Variants in EFCAB13 observed in about 807,000 individuals in gnomAD.
EFCAB13 encodes EF-hand calcium binding domain 13.
A neutral mutation model predicts 110.2 loss-of-function variants in EFCAB13; 91 were observed. That is an observed-to-expected ratio of 0.83 (90% CI 0.70 to 0.98). The LOEUF (loss-of-function observed/expected upper bound fraction) is 0.98. Among genes scored for constraint, EFCAB13 ranks in the 50% least tolerant of loss-of-function variants. EFCAB13 has a pLI of 0.00. For missense variants in EFCAB13, 968 were observed against 1,119.4 expected (o/e 0.86, Z 1.93); for synonymous variants, 323 against 369.9 (o/e 0.87, Z 1.45).
intron 17 of EFCAB13, among the ~76,000 whole-genome samples, chr17:47,398,000 G>A (rs369121363): frequency 0.023 from 3,275 of 139,940 alleles, 125 homozygotes; most frequent in Admixed American, 0.056. Context: ...CAGCCGCCCC[G>A]TCCGGGAGGG....
At chr17:47,410,872 T>A (rs1377201092) in intron 21 of EFCAB13, among the ~76,000 whole-genome samples, 3 of 152,238 alleles carry the variant, frequency 2.0e-5, no homozygotes, top group Non-Finnish European at 4.4e-5. Context: ...TAGGTCAGAA[T>A]TTTTTGTTTC....
intron 2 of EFCAB13, among the ~76,000 whole-genome samples, chr17:47,325,862 A>AT (rs34654710): frequency 0.25 from 33,778 of 135,446 alleles, 5,282 homozygotes; most frequent in Admixed American, 0.36. Context: ...CTATTTTATT[A>AT]TTTCACTCCC....
In EFCAB13 at chr17:47,384,477, A is replaced by G. The variant is rs1223822087; in HGVS notation, c.1582+5224A>G. On this transcript the variant is annotated intron_variant, in intron 14 of 24. Coordinates refer to ENST00000331493, the MANE Select transcript of EFCAB13 (RefSeq NM_152347.5). ...TTAAGAAAGTTTTTCTTATATTAAGAAAGTTTTTCCCTTCTTAATATTTAG... is the reference window on the plus strand; with the variant it reads ...TTAAGAAAGTTTTTCTTATATTAAGGAAGTTTTTCCCTTCTTAATATTTAG... Among the ~76,000 whole-genome samples, 4 of 151,234 alleles carry G rather than the reference A, an allele frequency of 2.6e-5. No individual in the cohort carries two copies. The East Asian group carries it at 5.8e-4, about 22-fold the overall frequency.
intron 11 of EFCAB13, among the ~76,000 whole-genome samples, chr17:47,370,715 GT>G (rs370452906): frequency 6.8e-6 from 1 of 147,628 alleles, no homozygotes; most frequent in Non-Finnish European, 1.5e-5. Context: ...TCTTTGCCCA[GT>G]TTTTTGTTGT....
chr17:47,393,891 A>G, intron 15 of EFCAB13, 134 bp from the exon 16 acceptor site: 1 of 421,440 alleles, frequency 2.4e-6, no homozygotes, highest in East Asian at 4.1e-5. Context: ...TTATACCCAT[A>G]TATTTTTATT....
chr17:47,380,883 T>C (rs1189160277), intron 14 of EFCAB13, among the ~76,000 whole-genome samples: 9 of 148,190 alleles, frequency 6.1e-5, no homozygotes, highest in East Asian at 2.0e-4. Context: ...GCTTCTTCTT[T>C]TTTTTTTTTT....
chr17:47,388,752 A>C (rs1175912298), intron 14 of EFCAB13, among the ~76,000 whole-genome samples: 4 of 152,052 alleles, frequency 2.6e-5, no homozygotes, highest in African/African-American at 9.7e-5. Context: ...ATACACTTTT[A>C]TTTCTCTTGG....
At chr17:47,349,447 C>T (rs1201844170) in intron 9 of EFCAB13, among the ~76,000 whole-genome samples, 4 of 152,168 alleles carry the variant, frequency 2.6e-5, no homozygotes, top group East Asian at 1.9e-4. Context: ...ATCTACAGTA[C>T]TAGTCCCATA....
chr17:47,409,596 A>G (rs1168007502), intron 20 of EFCAB13, 51 bp from the exon 21 acceptor site: 1 of 1,387,338 alleles, frequency 7.2e-7, no homozygotes, highest in East Asian at 2.3e-5. Flanking sequence ...CAAACAGGGT[A>G]AGATCAGGAT....
intron 9 of EFCAB13, among the ~76,000 whole-genome samples, chr17:47,358,086 A>G (rs1416504712): frequency 1.3e-5 from 2 of 152,210 alleles, no homozygotes; most frequent in African/African-American, 4.8e-5. Flanking sequence ...GTAATAAAAT[A>G]TCCAAGCAAT....
At chr17:47,391,369 C>T (rs1375677856) in intron 14 of EFCAB13, 68 bp from the exon 15 acceptor site, 9 of 1,236,076 alleles carry the variant, frequency 7.3e-6, no homozygotes, top group Non-Finnish European at 9.7e-6. Context: ...AACTAAAATT[C>T]ATCTTGTTAG....
intron 9 of EFCAB13, among the ~76,000 whole-genome samples, chr17:47,351,546 T>G (rs1738405601): frequency 6.6e-6 from 1 of 152,216 alleles, no homozygotes; most frequent in African/African-American, 2.4e-5. Context: ...CTTTCCATTT[T>G]TTCATAATGC....
intron 14 of EFCAB13, among the ~76,000 whole-genome samples, chr17:47,382,855 A>G (rs543068367): frequency 1.6e-4 from 25 of 152,308 alleles, no homozygotes; most frequent in Non-Finnish European, 3.2e-4. Flanking sequence ...TTCAGAAGGA[A>G]TGCTACCAGC....
At chr17:47,327,161 GTTTTGTTTTC>G (rs955252338) in intron 3 of EFCAB13, among the ~76,000 whole-genome samples, 4 of 150,004 alleles carry the variant, frequency 2.7e-5, no homozygotes, top group Non-Finnish European at 4.4e-5. Context: ...TCTTTATTTT[GTTTTGTTTTC>G]TTTTGTTTTG....
At chr17:47,388,867 C>G (rs754556167) in intron 14 of EFCAB13, among the ~76,000 whole-genome samples, 14 of 152,000 alleles carry the variant, frequency 9.2e-5, no homozygotes, top group Non-Finnish European at 1.6e-4. Context: ...TCATTTTTCA[C>G]CAACAATGTA....
In EFCAB13 at chr17:47,345,838, T is replaced by C. The variant is rs1325473063; in HGVS notation, c.517+740T>C. On this transcript the variant is annotated intron_variant, in intron 8 of 24. Coordinates refer to ENST00000331493, the MANE Select transcript of EFCAB13 (RefSeq NM_152347.5). ...CTCAGCTGCCCTTAGCACCAGTTGG[T>C]ATTCCCTTTAAGTTTTGGTGTGATC... is the stretch of plus-strand genomic sequence containing the variant. Among the ~76,000 whole-genome samples, 5 of 152,202 alleles carry C rather than the reference T, an allele frequency of 3.3e-5. No homozygotes were observed. In the East Asian group the frequency reaches 9.6e-4, roughly 29 times the overall value.
intron 21 of EFCAB13, among the ~76,000 whole-genome samples, chr17:47,412,048 G>A (rs2065838191): frequency 6.6e-6 from 1 of 152,150 alleles, no homozygotes; most frequent in African/African-American, 2.4e-5. Context: ...GAGCTGAGAT[G>A]GCACCACTGC....
rs148971377 is a variant in EFCAB13, at chr17:47,368,435, C to A, written c.806-2002C>A. ...TGTGGAGCAAAGGTGGTAGAGAAAACAAACCCTACAGAACTGGTTGGAGTG... is the reference window on the plus strand; with the variant it reads ...TGTGGAGCAAAGGTGGTAGAGAAAAAAAACCCTACAGAACTGGTTGGAGTG... On this transcript the variant is annotated intron_variant, in intron 10 of 24. Coordinates refer to ENST00000331493, the MANE Select transcript of EFCAB13 (RefSeq NM_152347.5). Among the ~76,000 whole-genome samples, 1,422 of 152,318 alleles carry A rather than the reference C, an allele frequency of 9.3e-3. 24 individuals are homozygous for A. Among genetic ancestry groups the A allele is most frequent in the African/African-American group, 0.029 (1,194 of 41,572 alleles).
chr17:47,406,355 C>T (rs182893200), intron 20 of EFCAB13, among the ~76,000 whole-genome samples: 4 of 152,200 alleles, frequency 2.6e-5, no homozygotes, highest in Admixed American at 6.5e-5. Context: ...GTGATCTGCC[C>T]GCCTCGGCCT....
Sources: allele counts gnomAD v4.1 joint callset (sites outside exome capture counted in the v4.1 genomes callset), GRCh38; gene constraint gnomAD v4.1.1; transcripts MANE v1.5; gene names NCBI Gene and HGNC (gene_info 2026-07-23, HGNC 2026-07-21).